The following CLSPN variants were observed in gnomAD, a reference collection of about 807,000 sequenced individuals.
The protein encoded by CLSPN is claspin.
A neutral mutation model predicts 156.3 loss-of-function variants in CLSPN; 85 were observed. The ratio of observed to expected loss-of-function variants is 0.54; its 90% CI spans 0.46 to 0.65. The LOEUF (loss-of-function observed/expected upper bound fraction) is 0.65. Among genes scored for constraint, CLSPN ranks in the 30% least tolerant of loss-of-function variants. The probability of loss-of-function intolerance (pLI) is 0.00; values close to 1 mark genes in which losing one functional copy is unlikely to be tolerated. For synonymous variants in CLSPN, 534 were observed against 542.4 expected (o/e 0.98, Z 0.22); for missense variants, 1,407 against 1,554.9 (o/e 0.90, Z 1.60).
At position 35,739,183 on chromosome 1, in the gene CLSPN, T is replaced by C. The variant is rs762262584; in HGVS notation, c.3383A>G (p.His1128Arg). The C allele has an allele frequency of 1.2e-5, 20 of 1,614,198 alleles. 1 individual carries two copies. In the South Asian group the frequency reaches 2.2e-4, roughly 18 times the overall value. Residue 1128 changes from histidine to arginine, a missense_variant, in exon 20 of 25, where the codon CAC becomes CGC. Coordinates refer to ENST00000318121, the MANE Select transcript of CLSPN (RefSeq NM_022111.4). Reference sequence around the variant, plus strand: ...CCTCATTCGCCCAGGACCATCGCTGTGCAGATCCCCATCAGCAAGGTACCT... The same window carrying C: ...CCTCATTCGCCCAGGACCATCGCTGCGCAGATCCCCATCAGCAAGGTACCT... ...QERYLADGDL[H>R]SDGPGRMRKF...
chr1:35,735,793 A>T lies in CLSPN; in HGVS notation c.*703T>A, dbSNP rs1415820646. The T allele has an allele frequency of 1.0e-6, 1 of 984,806 alleles. No homozygotes were observed. The highest frequency in any genetic ancestry group is 1.2e-6 in the Non-Finnish European group (1 of 829,856). The allele number at this position is 984,806 out of a possible 1,614,324, so 61.0% of individuals were successfully genotyped here. ...GTGTAAAGGAGTCATTATGGTACTG[A>T]TTTTCACTGTTTAATCTGTAATGTC... On this transcript the variant is annotated 3_prime_UTR_variant, in exon 25 of 25. Coordinates refer to ENST00000318121, the MANE Select transcript of CLSPN (RefSeq NM_022111.4).
At chr1:35,730,863 C>CA (rs1045022293), downstream of CLSPN, among the ~76,000 whole-genome samples, 34 of 149,052 alleles carry the variant, frequency 2.3e-4, no homozygotes, top group African/African-American at 7.1e-4. Context: ...GAATCCATCT[C>CA]AAAAAAAAAG....
At position 35,763,150 on chromosome 1, in the gene CLSPN, C is replaced by A; in HGVS notation, c.744+10G>T. 1 of 1,537,990 alleles carries A rather than the reference C, an allele frequency of 6.5e-7. No individual in the cohort carries two copies. Among genetic ancestry groups the A allele is most frequent in the Non-Finnish European group, 8.7e-7 (1 of 1,146,024 alleles). On this transcript the variant is annotated intron_variant, in intron 4 of 24. Transcript: ENST00000318121. ...TTGATTAACTCTTATTGCAATCATG[C>A]TTTACTTGCCTTGTGCTTTTTTACT...
downstream of CLSPN, among the ~76,000 whole-genome samples, chr1:35,727,934 T>C (rs1200775104): frequency 1.3e-5 from 2 of 152,190 alleles, no homozygotes; most frequent in Non-Finnish European, 2.9e-5. Context: ...TCTGTGTGTG[T>C]GCATATGTGT....
At chr1:35,738,779 A>C (rs528163101) in intron 20 of CLSPN, among the ~76,000 whole-genome samples, 197 bp from the exon 21 acceptor site, 1 of 151,470 alleles carries the variant, frequency 6.6e-6, no homozygotes, top group Admixed American at 6.6e-5. Flanking sequence ...AAACTCGACA[A>C]ATATGCATTG....
rs375345515 is a variant in CLSPN, at chr1:35,739,150, C to T, written c.3416G>A (p.Arg1139Gln). 13 of 1,614,094 alleles carry T rather than the reference C, an allele frequency of 8.1e-6. No individual in the cohort carries two copies. The East Asian group carries it at 1.8e-4, about 22-fold the overall frequency. ...SDGPGRMRKF[R>Q]WKNIDDASQM... Reference sequence around the variant, plus strand: ...AACCAAGATACCTATGTTTTTCCATCGAAACTTCCTCATTCGCCCAGGACC... The same window carrying T: ...AACCAAGATACCTATGTTTTTCCATTGAAACTTCCTCATTCGCCCAGGACC... The change falls in exon 20 of 25, where the codon CGA becomes CAA. Residue 1139 changes from arginine (R) to glutamine (Q), a missense_variant. Arg to Gln is a conservative substitution (Grantham distance 43). Transcript: ENST00000318121.
Position 35,733,985 on chromosome 1 carries a change from T to A in CLSPN, c.*2511A>T. ...ACAGAATGAGACTGTCTCTAAAAAA[T>A]AAGTTTTTTAAACAAAGAGCTATAA... On this transcript the variant is annotated 3_prime_UTR_variant, in exon 25 of 25. Coordinates refer to ENST00000318121, the MANE Select transcript of CLSPN (RefSeq NM_022111.4). The A allele has an allele frequency of 1.0e-6, 1 of 982,078 alleles. No homozygotes were observed. Among genetic ancestry groups the A allele is most frequent in the Non-Finnish European group, 1.2e-6 (1 of 826,928 alleles). 60.8% of individuals were successfully genotyped at this position (982,078 alleles called of 1,614,324 possible).
At chr1:35,761,944 G>T in intron 6 of CLSPN, 54 bp downstream of exon 6, 3 of 1,209,312 alleles carry the variant, frequency 2.5e-6, no homozygotes, top group South Asian at 2.5e-5. Flanking sequence ...CATCCAAGTT[G>T]AGCTTACAAA....
intron 1 of CLSPN, 42 bp from the exon 2 acceptor site, chr1:35,765,368 C>T (rs774316268): frequency 9.5e-6 from 13 of 1,369,696 alleles, no homozygotes; most frequent in Middle Eastern, 1.8e-4. Context: ...AGCAGGTGAC[C>T]GAAAGCTCCA....
chr1:35,728,330 C>A (rs1030786036), downstream of CLSPN, among the ~76,000 whole-genome samples: 1 of 152,072 alleles, frequency 6.6e-6, no homozygotes, highest in East Asian at 1.9e-4. Flanking sequence ...AAACCCCCCA[C>A]CTCAACCTCC....
chr1:35,738,108 AAAAAAATATATATAT>A lies in CLSPN; in HGVS notation c.3559-26_3559-12del. 1 of 626,414 alleles carries A rather than the reference AAAAAAATATATATAT, an allele frequency of 1.6e-6. No individual in the cohort carries two copies. Among genetic ancestry groups the A allele is most frequent in the Non-Finnish European group, 2.1e-6 (1 of 478,436 alleles). The allele number at this position is 626,414 out of a possible 1,614,324, so 38.8% of individuals were successfully genotyped here. ...TTTCCCCTGCTGTGCCTGAAAAAAA[AAAAAAATATATATAT>A]ATATATATATATATATACAGCATTA... On this transcript the variant is annotated splice_polypyrimidine_tract_variant and intron_variant, in intron 21 of 24. Coordinates refer to ENST00000318121, the MANE Select transcript of CLSPN (RefSeq NM_022111.4).
intron 24 of CLSPN, among the ~76,000 whole-genome samples, chr1:35,722,623 GTCTC>G (rs1045426053): frequency 3.3e-5 from 5 of 151,774 alleles, no homozygotes; most frequent in East Asian, 1.9e-4. Context: ...TCAGATTGTA[GTCTC>G]TCTCTTTCTT....
At chr1:35,766,186 G>C (rs182309911) in intron 1 of CLSPN, among the ~76,000 whole-genome samples, 3 of 151,520 alleles carry the variant, frequency 2.0e-5, no homozygotes, top group African/African-American at 7.2e-5. Context: ...ATAGAGACAA[G>C]GTTTCACCAT....
Position 35,762,455 on chromosome 1 carries a change from C to A in CLSPN, c.771G>T (p.Gly257=). 1 of 1,613,844 alleles carries A rather than the reference C, an allele frequency of 6.2e-7. No individual in the cohort carries two copies. The highest frequency in any genetic ancestry group is 1.1e-5 in the South Asian group (1 of 91,068). Residue 257 remains glycine, a synonymous_variant, in exon 5 of 25, where the codon GGG becomes GGT. Coordinates refer to ENST00000318121, the MANE Select transcript of CLSPN (RefSeq NM_022111.4). ...CACTTCCTTCCTCAAATGAATGGAC[C>A]CCACTCTCCAAAGATGGTTCTTTTT... ...HKKKEPSLES[G]VHSFEEGSEL... is the part of the protein sequence containing the mutation.
At chr1:35,758,631 G>A (rs762393455) in intron 8 of CLSPN, among the ~76,000 whole-genome samples, 1 of 151,294 alleles carries the variant, frequency 6.6e-6, no homozygotes, top group Non-Finnish European at 1.5e-5. Flanking sequence ...GGTGGCAAGA[G>A]CAAGTGAAAG....
chr1:35,766,225 C>T (rs1433334500), intron 1 of CLSPN, among the ~76,000 whole-genome samples: 3 of 151,560 alleles, frequency 2.0e-5, no homozygotes, highest in African/African-American at 7.3e-5. Context: ...AAACTCCTGA[C>T]CTCAGGTGAT....
intron 12 of CLSPN, 60 bp from the exon 13 acceptor site, chr1:35,748,664 G>T: frequency 7.0e-7 from 1 of 1,427,578 alleles, no homozygotes; most frequent in South Asian, 1.2e-5. Context: ...GATTTGTTTA[G>T]GAAAAAGAGT....
chr1:35,743,388 A>G, intron 17 of CLSPN, 67 bp downstream of exon 17: 3 of 1,454,350 alleles, frequency 2.1e-6, no homozygotes, highest in East Asian at 2.3e-5. Flanking sequence ...AACTGAGGGG[A>G]AAAAAACACT....
chr1:35,749,524 G>C lies in CLSPN; in HGVS notation c.2215C>G (p.Pro739Ala), dbSNP rs1348856108. ...KDSSSKMGYF[P>A]TEEKSETDEN... Reference sequence around the variant, plus strand: ...TCTGTTTCTGATTTTTCTTCAGTAGGAAAGTAACTGCAAAATAAGAAAGTA... The same window carrying C: ...TCTGTTTCTGATTTTTCTTCAGTAGCAAAGTAACTGCAAAATAAGAAAGTA... Residue 739 changes from proline to alanine, a missense_variant, in exon 12 of 25, where the codon CCT becomes GCT. This residue lies in a region of CLSPN where 1,096 missense variants were observed against 1,193.0 expected (regional missense o/e 0.92). Transcript: ENST00000318121. The C allele has an allele frequency of 1.9e-6, 3 of 1,613,924 alleles. No individual in the cohort carries two copies. The African/African-American group carries it at 4.0e-5, about 22-fold the overall frequency.
Sources: allele counts gnomAD v4.1 joint callset (sites outside exome capture counted in the v4.1 genomes callset), GRCh38; gene constraint gnomAD v4.1.1; regional missense constraint gnomAD v4.1.1; transcripts MANE v1.5; gene names NCBI Gene and HGNC (gene_info 2026-07-23, HGNC 2026-07-21).